GNL3L: variants seen among roughly 807,000 people sequenced by gnomAD.
GNL3L encodes the protein guanine nucleotide-binding protein-like 3-like protein.
GNL3L carries 4 observed loss-of-function variants against 42.9 expected under a neutral mutation model. That is an observed-to-expected ratio of 0.09 (90% CI 0.05 to 0.21). The LOEUF is 0.21. Among genes scored for constraint, GNL3L ranks in the 10% least tolerant of loss-of-function variants. The pLI is 1.00. For missense variants in GNL3L, 412 were observed against 481.7 expected (o/e 0.86, Z 1.36); for synonymous variants, 159 against 176.3 (o/e 0.90, Z 0.78).
chrX:54,599,249 T>C (rs1052336268), intron 16 of GNL3L, among the ~76,000 whole-genome samples: 1 of 111,953 alleles, frequency 8.9e-6, no homozygotes, highest in Admixed American at 9.5e-5. Context: ...CCTAAAATTT[T>C]ATATCCAGTG....
intron 16 of GNL3L, among the ~76,000 whole-genome samples, chrX:54,620,025 G>A (rs1210974636): frequency 3.6e-5 from 4 of 110,384 alleles, no homozygotes; most frequent in Non-Finnish European, 3.8e-5. Context: ...ATAATAATGG[G>A]GTACATGAAA....
At chrX:54,580,139 C>T (rs1323167383) in intron 16 of GNL3L, among the ~76,000 whole-genome samples, 2 of 55,073 alleles carry the variant, frequency 3.6e-5, no homozygotes, top group Admixed American at 2.9e-4. Flanking sequence ...CTAGTGCTAT[C>T]CCTCCCCCCT....
At chrX:54,605,668 A>T (rs1049656440) in intron 16 of GNL3L, among the ~76,000 whole-genome samples, 3 of 111,379 alleles carry the variant, frequency 2.7e-5, no homozygotes, top group Non-Finnish European at 5.7e-5. Flanking sequence ...GTGATGAGAG[A>T]TGCTACTTCC....
intron 14 of GNL3L, among the ~76,000 whole-genome samples, chrX:54,557,190 A>G (rs1333528595): frequency 5.5e-5 from 6 of 109,740 alleles, no homozygotes; most frequent in Non-Finnish European, 9.5e-5. Flanking sequence ...TCAAAAAAAA[A>G]AAGATGGAAT....
At chrX:54,621,403 C>A (rs1046000109) in exon 17 of GNL3L, among the ~76,000 whole-genome samples, 5 of 111,604 alleles carry the variant, frequency 4.5e-5, no homozygotes, top group East Asian at 5.6e-4. Flanking sequence ...TTTGAGTGAG[C>A]CTTCTTGGAC....
intron 9 of GNL3L, 128 bp downstream of exon 9, chrX:54,548,501 G>A (rs759943100): frequency 2.3e-4 from 121 of 530,121 alleles, no homozygotes; most frequent in African/African-American, 2.2e-3. Context: ...GAAGGGTTTC[G>A]TGATTTGTAA....
chrX:54,606,587 C>T (rs1184792813), intron 16 of GNL3L, among the ~76,000 whole-genome samples: 2 of 110,188 alleles, frequency 1.8e-5, no homozygotes, highest in Non-Finnish European at 3.8e-5. Context: ...ACAACCCTCC[C>T]ACCTTAGCCT....
intron 16 of GNL3L, among the ~76,000 whole-genome samples, chrX:54,605,554 T>A (rs1926049735): frequency 8.9e-6 from 1 of 111,773 alleles, no homozygotes; most frequent in Non-Finnish European, 1.9e-5. Flanking sequence ...TGGATAACTG[T>A]GCTGATCTTA....
At chrX:54,554,723 C>G (rs1253443419) in intron 14 of GNL3L, 31 bp downstream of exon 14, 1 of 1,181,427 alleles carries the variant, frequency 8.5e-7, no homozygotes, top group Non-Finnish European at 1.1e-6. Context: ...TGGCAACCCT[C>G]TTCTCTCCCC....
intron 16 of GNL3L, among the ~76,000 whole-genome samples, chrX:54,592,418 C>T (rs979892099): frequency 2.6e-4 from 29 of 111,850 alleles, no homozygotes; most frequent in South Asian, 3.7e-4. Flanking sequence ...TCAGTTTTTC[C>T]CCATTCAGTA....
chrX:54,578,891 G>A (rs1311723747), intron 16 of GNL3L, among the ~76,000 whole-genome samples: 2 of 112,154 alleles, frequency 1.8e-5, no homozygotes, highest in South Asian at 3.6e-4. Flanking sequence ...TAGTGTTAAT[G>A]TTTTCTTTTA....
intron 16 of GNL3L, among the ~76,000 whole-genome samples, chrX:54,573,425 C>G (rs763088010): frequency 2.0e-4 from 22 of 112,040 alleles, no homozygotes; most frequent in African/African-American, 7.1e-4. Flanking sequence ...GAGAATCAGG[C>G]AGGGAGGTTG....
chrX:54,601,621 A>T (rs1926005632), intron 16 of GNL3L, among the ~76,000 whole-genome samples: 1 of 111,734 alleles, frequency 8.9e-6, no homozygotes, highest in African/African-American at 3.3e-5. Context: ...CTTATTATAA[A>T]TTTTTTGTTT....
intron 5 of GNL3L, among the ~76,000 whole-genome samples, chrX:54,541,783 T>C (rs939508095): frequency 2.7e-5 from 3 of 111,616 alleles, no homozygotes; most frequent in Non-Finnish European, 5.7e-5. Flanking sequence ...TAGGGCTTCT[T>C]GCTGCCTTTT....
At position 54,566,768 on chromosome X, in the gene GNL3L, G is replaced by A. The variant is rs188489430; in HGVS notation, c.*6166G>A. 1.2e-3 allele frequency among the ~76,000 whole-genome samples: 139 copies of A among 111,417 alleles called. No individual in the cohort carries two copies. The highest frequency in any genetic ancestry group is 9.2e-3 in the Middle Eastern group (2 of 217). ...TGTGAAAAATGCTGTTATGAATATG[G>A]GTATGGAGATCTCTCCCCTTATTTT... On this transcript the variant is annotated 3_prime_UTR_variant, in exon 16 of 16. Transcript: ENST00000360845.
At chrX:54,534,803 C>G (rs769400380) in intron 2 of GNL3L, among the ~76,000 whole-genome samples, 7 of 110,746 alleles carry the variant, frequency 6.3e-5, no homozygotes, top group African/African-American at 2.0e-4. Context: ...TTCCCTCCCC[C>G]CTTCTCTTCT....
At chrX:54,537,773 G>T (rs1476966631) in intron 2 of GNL3L, among the ~76,000 whole-genome samples, 1 of 110,889 alleles carries the variant, frequency 9.0e-6, no homozygotes, top group Non-Finnish European at 1.9e-5. Flanking sequence ...AAAGCAGTCT[G>T]TGTTTGTGTA....
intron 16 of GNL3L, among the ~76,000 whole-genome samples, chrX:54,613,227 G>T (rs1293456277): frequency 9.0e-6 from 1 of 111,396 alleles, no homozygotes; most frequent in Non-Finnish European, 1.9e-5. Flanking sequence ...CTATTGCTGA[G>T]ACTTTCGCAG....
rs186037972 is a variant in GNL3L, at chrX:54,600,597, C to T, written c.*46-20248C>T. 2.8e-3 allele frequency among the ~76,000 whole-genome samples: 306 copies of T among 110,401 alleles called. 1 individual carries two copies. The highest frequency in any genetic ancestry group is 9.6e-3 in the African/African-American group (291 of 30,374). ...TGGGTGGGGATGGACTGCTTCATTA[C>T]TGCCAGATGTAAGAAGAAGTCTAGG... On this transcript the variant is annotated intron_variant, in intron 16 of 16. Coordinates refer to the GNL3L transcript ENST00000674498.
Sources: allele counts gnomAD v4.1 joint callset (sites outside exome capture counted in the v4.1 genomes callset), GRCh38; gene constraint gnomAD v4.1.1; transcripts MANE v1.5; gene names NCBI Gene and HGNC (gene_info 2026-07-23, HGNC 2026-07-21).